Variants in FBN1 observed in about 807,000 individuals in gnomAD.
FBN1 encodes fibrillin-1.
Under a neutral mutation model 365.1 loss-of-function variants are expected in FBN1, and 29 were observed. The ratio of observed to expected loss-of-function variants is 0.08; its 90% confidence interval spans 0.06 to 0.11. The LOEUF (loss-of-function observed/expected upper bound fraction) is 0.11. FBN1 is among the 10% of genes least tolerant of loss of function. The probability of loss-of-function intolerance (pLI) is 1.00; values close to 1 mark genes in which losing one functional copy is unlikely to be tolerated. For missense variants in FBN1, 2,476 were observed against 3,703.2 expected, an observed-to-expected ratio of 0.67 and a Z score of 8.60; for synonymous variants, 1,210 against 1,270.5, an observed-to-expected ratio of 0.95 and a Z score of 1.01.
At chr15:48,638,493 A>C (rs1448461859) in intron 2 of FBN1, among the ~76,000 whole-genome samples, 1 of 152,216 alleles carries the variant, frequency 6.6e-6, no homozygotes, top group African/African-American at 2.4e-5. Flanking sequence ...GTAATTACTG[A>C]AACTCTGCAT....
chr15:48,444,443 G>A, intron 49 of FBN1, 98 bp downstream of exon 49: 1 of 1,411,136 alleles, frequency 7.1e-7, no homozygotes, highest in Non-Finnish European at 1.0e-6. Flanking sequence ...TTCTGATAAA[G>A]TATTCCAAAA....
chr15:48,541,602 GTT>G (rs1353315088), intron 6 of FBN1, among the ~76,000 whole-genome samples: 1 of 152,006 alleles, frequency 6.6e-6, no homozygotes, highest in African/African-American at 2.4e-5. Context: ...AGGTTATGCT[GTT>G]TTTAGTCCAA....
intron 46 of FBN1, among the ~76,000 whole-genome samples, chr15:48,448,040 G>A (rs1377075424): frequency 6.6e-6 from 1 of 152,114 alleles, no homozygotes; most frequent in African/African-American, 2.4e-5. Context: ...GGCTGTCAGT[G>A]CTCTTGTCAT....
In FBN1 at chr15:48,411,389, C is replaced by T. The variant is rs765093559; in HGVS notation, c.8227-10G>A. 2.7e-5 allele frequency: 44 copies of T among 1,613,038 alleles called. No individual in the cohort carries two copies. The highest frequency in any genetic ancestry group is 3.3e-4 in the Middle Eastern group (2 of 6,084). ...CTGTCTCAGACTGATCCTGGAAAGA[C>T]ACATGGCAATATGTTAAATACAATG... is the stretch of plus-strand genomic sequence containing the variant. On this transcript the variant is annotated splice_polypyrimidine_tract_variant and intron_variant, in intron 65 of 65. Coordinates refer to ENST00000316623, the MANE Select transcript of FBN1 (RefSeq NM_000138.5).
intron 7 of FBN1, 53 bp downstream of exon 7, chr15:48,537,558 T>C: frequency 6.2e-7 from 1 of 1,605,258 alleles, no homozygotes; most frequent in Non-Finnish European, 8.5e-7. Context: ...GGAGAATGGC[T>C]CTCCAGAGCA....
intron 21 of FBN1, 104 bp from the exon 22 acceptor site, chr15:48,495,364 T>A: frequency 6.3e-7 from 1 of 1,594,172 alleles, no homozygotes; most frequent in Non-Finnish European, 8.6e-7. Context: ...ATAATGAAGT[T>A]TTTAATATTG....
intron 6 of FBN1, among the ~76,000 whole-genome samples, chr15:48,587,865 T>C (rs779098349): frequency 6.6e-6 from 1 of 152,180 alleles, no homozygotes; most frequent in Non-Finnish European, 1.5e-5. Context: ...TCACTTATAT[T>C]TGATCAAACT....
At chr15:48,618,978 T>G (rs1014331193) in intron 2 of FBN1, among the ~76,000 whole-genome samples, 2 of 152,076 alleles carry the variant, frequency 1.3e-5, no homozygotes, top group African/African-American at 4.8e-5. Flanking sequence ...TACATTACGG[T>G]GAGTTGTATA....
chr15:48,643,117 T>C (rs1269744191), intron 2 of FBN1: 1 of 152,210 alleles, frequency 6.6e-6, no homozygotes, highest in African/African-American at 2.4e-5. Context: ...AGAATAGATA[T>C]TAAGATATTA....
chr15:48,542,157 TG>T (rs1215244746), intron 6 of FBN1, among the ~76,000 whole-genome samples: 1 of 152,212 alleles, frequency 6.6e-6, no homozygotes, highest in Admixed American at 6.5e-5. Context: ...CTCAGAATGC[TG>T]TGGTCTACAG....
chr15:48,445,458 G>T lies in FBN1; in HGVS notation c.5835C>A (p.Gly1945=). The change falls in exon 48 of 66, where the codon GGC becomes GGA. Residue 1945 remains glycine, a synonymous_variant. Coordinates refer to ENST00000316623, the MANE Select transcript of FBN1 (RefSeq NM_000138.5). The part of the protein sequence containing the change: ...ASGNGNLCRN[G]QCINTVGSFQ... Reference sequence around the variant, plus strand: ...AAGACCCCACTGTATTAATGCATTGGCCATTTCTGCAAAGATTCCCATTTC... The same window carrying T: ...AAGACCCCACTGTATTAATGCATTGTCCATTTCTGCAAAGATTCCCATTTC... 1 of 1,612,490 alleles carries T rather than the reference G, an allele frequency of 6.2e-7. No homozygotes were observed. The highest frequency in any genetic ancestry group is 8.5e-7 in the Non-Finnish European group (1 of 1,178,986).
intron 13 of FBN1, 141 bp downstream of exon 13, chr15:48,513,408 G>A (rs1410347776): frequency 2.7e-6 from 3 of 1,104,642 alleles, no homozygotes; most frequent in African/African-American, 3.1e-5. Context: ...AATGACAATA[G>A]GTGGAACTAA....
intron 46 of FBN1, among the ~76,000 whole-genome samples, chr15:48,448,091 A>G (rs2043172746): frequency 6.6e-6 from 1 of 152,158 alleles, no homozygotes; most frequent in Admixed American, 6.6e-5. Context: ...ATGTTCCCAA[A>G]TGGATGAACC....
At chr15:48,469,904 C>G (rs1229985402) in intron 36 of FBN1, among the ~76,000 whole-genome samples, 1 of 151,986 alleles carries the variant, frequency 6.6e-6, no homozygotes, top group Non-Finnish European at 1.5e-5. Context: ...TGGTGGTGGT[C>G]ATGATCTGGA....
At position 48,445,403 on chromosome 15, in the gene FBN1, C is replaced by A; in HGVS notation, c.5890G>T (p.Val1964Leu). 6.2e-7 allele frequency: 1 copy of A among 1,612,742 alleles called. No individual in the cohort carries two copies. Among genetic ancestry groups the A allele is most frequent in the South Asian group, 1.1e-5 (1 of 91,052 alleles). Residue 1964 changes from valine to leucine, a missense_variant, in exon 48 of 66, where the codon GTG (valine) becomes TTG (leucine). Around this residue, in one of 5 missense-constraint regions of FBN1, gnomAD observed 1,780 missense variants for 2,840.8 expected, o/e 0.63. Coordinates refer to ENST00000316623, the MANE Select transcript of FBN1 (RefSeq NM_000138.5). Reference sequence around the variant, plus strand: ...ACACAGGTCCTCCCATCTGGAGCCACCTCATAGCCTTCATTGCACTGGCAC... The same window carrying A: ...ACACAGGTCCTCCCATCTGGAGCCAACTCATAGCCTTCATTGCACTGGCAC... ...FQCQCNEGYEVAPDGRTCVDI... is the reference protein window; with the variant it reads ...FQCQCNEGYELAPDGRTCVDI...
chr15:48,635,984 T>TAA (rs1178709342), intron 2 of FBN1, among the ~76,000 whole-genome samples: 1 of 152,168 alleles, frequency 6.6e-6, no homozygotes, highest in Middle Eastern at 3.2e-3. Context: ...AATTAAAACT[T>TAA]AAAGTATCTG....
At chr15:48,492,652 A>G (rs925967021) in intron 23 of FBN1, 66 bp from the exon 24 acceptor site, 1 of 1,237,516 alleles carries the variant, frequency 8.1e-7, no homozygotes, top group Non-Finnish European at 1.2e-6. Context: ...TATTCTACTC[A>G]TAGAGTCATA....
chr15:48,417,906 A>G (rs1449971315), intron 63 of FBN1, among the ~76,000 whole-genome samples: 1 of 152,190 alleles, frequency 6.6e-6, no homozygotes, highest in Non-Finnish European at 1.5e-5. Context: ...TGATCTATGG[A>G]GCATGAGCAA....
chr15:48,437,700 G>T, intron 51 of FBN1, 68 bp downstream of exon 51: 1 of 1,522,596 alleles, frequency 6.6e-7, no homozygotes. Flanking sequence ...AAGGCCTACA[G>T]TCTTACTTAC....
Sources: gnomAD v4.1 joint callset for allele counts (sites outside exome capture counted in the v4.1 genomes callset) on GRCh38, gnomAD v4.1.1 for gene constraint, gnomAD v4.1.1 regional missense constraint, MANE v1.5 for transcripts, NCBI Gene and HGNC (gene_info 2026-07-23, HGNC 2026-07-21) for gene names.